The following SLC16A4 variants were observed in gnomAD, a reference collection of about 807,000 sequenced individuals.
SLC16A4 encodes the protein solute carrier family 16 member 4, also known as probable monocarboxylate transporter 5.
In SLC16A4, 39 loss-of-function variants were observed where a neutral mutation model predicts 47.9. That is an observed-to-expected ratio of 0.81 (90% CI 0.63 to 1.06). The LOEUF is 1.06. Among genes scored for constraint, SLC16A4 ranks in the 50% least tolerant of loss-of-function variants. The pLI, the probability that SLC16A4 is intolerant of heterozygous loss-of-function variation, is 0.00. For synonymous variants in SLC16A4, 189 were observed against 199.9 expected, an observed-to-expected ratio of 0.95 and a Z score of 0.46; for missense variants, 524 against 573.8, an observed-to-expected ratio of 0.91 and a Z score of 0.89.
intron 8 of SLC16A4, among the ~76,000 whole-genome samples, chr1:110,373,800 G>A (rs886500627): frequency 6.1e-5 from 9 of 146,996 alleles, no homozygotes; most frequent in South Asian, 4.4e-4. Context: ...TCAGCCTGCC[G>A]TGTAGCTGGG....
chr1:110,375,674 T>G (rs1280090218), intron 7 of SLC16A4, 123 bp from the exon 8 acceptor site: 3 of 568,232 alleles, frequency 5.3e-6, no homozygotes, highest in Non-Finnish European at 9.5e-6. Flanking sequence ...CTGGGGTGAG[T>G]TGGTTGGCTT....
intron 2 of SLC16A4, among the ~76,000 whole-genome samples, chr1:110,388,293 G>C (rs900587789): frequency 6.6e-6 from 1 of 152,186 alleles, no homozygotes; most frequent in East Asian, 1.9e-4. Flanking sequence ...GTGAGGGAAA[G>C]AAGTTAATTT....
At chr1:110,364,525 C>T (rs1385076801) in intron 8 of SLC16A4, among the ~76,000 whole-genome samples, 1 of 111,948 alleles carries the variant, frequency 8.9e-6, no homozygotes, top group Admixed American at 1.1e-4. Context: ...TTTTTTGAGA[C>T]AGAGGCTTGC....
chr1:110,386,242 C>T (rs1473682032), intron 2 of SLC16A4, among the ~76,000 whole-genome samples: 2 of 152,154 alleles, frequency 1.3e-5, no homozygotes, highest in East Asian at 3.8e-4. Flanking sequence ...AAGGGCAGAG[C>T]CTTTGCACCT....
intron 2 of SLC16A4, among the ~76,000 whole-genome samples, 156 bp downstream of exon 2, chr1:110,389,081 T>C (rs1662883736): frequency 6.6e-6 from 1 of 152,236 alleles, no homozygotes; most frequent in African/African-American, 2.4e-5. Flanking sequence ...CCTCTGACTT[T>C]AGCAGTTTTT....
chr1:110,389,366 TCCAA>T lies in SLC16A4; in HGVS notation c.-32-15_-32-12del. ...AAATGCAGAAGATCCCTGTGATAAA[TCCAA>T]GACAGTTGATTCAGTGGACCAGAAA... On this transcript the variant is annotated splice_polypyrimidine_tract_variant and intron_variant, in intron 1 of 8. Coordinates refer to ENST00000369779, the MANE Select transcript of SLC16A4 (RefSeq NM_004696.3). The T allele has an allele frequency of 6.9e-7, 1 of 1,440,884 alleles. No individual in the cohort carries two copies. The highest frequency in any genetic ancestry group is 2.3e-5 in the East Asian group (1 of 44,074). 89.3% of individuals were successfully genotyped at this position (1,440,884 alleles called of 1,614,324 possible).
chr1:110,385,525 T>C (rs1201813858), intron 2 of SLC16A4, among the ~76,000 whole-genome samples: 1 of 152,224 alleles, frequency 6.6e-6, no homozygotes, highest in Non-Finnish European at 1.5e-5. Flanking sequence ...CCTTATCCTA[T>C]GCCTACTCTT....
At position 110,389,412 on chromosome 1, in the gene SLC16A4, A is replaced by G. The variant is rs1662909757; in HGVS notation, c.-32-57T>C. ...GACCAGAAACTAATCTAAACTTTTA[A>G]ACTTTTTATCTGAAAGGGAACGTTC... On this transcript the variant is annotated intron_variant, in intron 1 of 8. Coordinates refer to ENST00000369779, the MANE Select transcript of SLC16A4 (RefSeq NM_004696.3). 9.4e-6 allele frequency: 10 copies of G among 1,068,510 alleles called. No individual in the cohort carries two copies. The South Asian group carries it at 1.3e-4, about 14-fold the overall frequency. The allele number at this position is 1,068,510 out of a possible 1,614,324, so 66.2% of individuals were successfully genotyped here.
At chr1:110,381,562 C>G (rs927313122) in intron 4 of SLC16A4, 90 bp downstream of exon 4, 2 of 1,316,866 alleles carry the variant, frequency 1.5e-6, no homozygotes, top group East Asian at 4.7e-5. Flanking sequence ...CTCAAGCGAT[C>G]CACCCACTTT....
chr1:110,364,014 C>T, intron 8 of SLC16A4, 121 bp from the exon 9 acceptor site: 2 of 972,042 alleles, frequency 2.1e-6, no homozygotes, highest in Non-Finnish European at 1.4e-6. Context: ...CTTAGTGAAG[C>T]TTCTTAGCTG....
intron 8 of SLC16A4, among the ~76,000 whole-genome samples, chr1:110,369,663 A>G (rs1228380021): frequency 6.6e-6 from 1 of 152,206 alleles, no homozygotes; most frequent in African/African-American, 2.4e-5. Flanking sequence ...AAAGTGGTTG[A>G]AAATTCTGCA....
chr1:110,376,742 C>A (rs1557906782), intron 7 of SLC16A4, among the ~76,000 whole-genome samples: 1 of 152,096 alleles, frequency 6.6e-6, no homozygotes, highest in South Asian at 2.1e-4. Context: ...AATTTTATTC[C>A]TGTCCCATGT....
At chr1:110,376,818 C>T (rs1405536236) in intron 7 of SLC16A4, 132 bp downstream of exon 7, 1 of 740,174 alleles carries the variant, frequency 1.4e-6, no homozygotes, top group African/African-American at 1.8e-5. Flanking sequence ...GATATAGCTG[C>T]AGAGTTTCTA....
At chr1:110,388,590 G>A (rs1014958792) in intron 2 of SLC16A4, among the ~76,000 whole-genome samples, 7 of 152,166 alleles carry the variant, frequency 4.6e-5, no homozygotes, top group Admixed American at 6.5e-5. Context: ...TTTTGGGATG[G>A]TTAAAAGTAT....
intron 2 of SLC16A4, among the ~76,000 whole-genome samples, chr1:110,383,649 A>G (rs187384905): frequency 2.0e-5 from 3 of 152,138 alleles, no homozygotes; most frequent in Admixed American, 2.0e-4. Context: ...CCCCCGAGCA[A>G]TTTGGGGAGG....
intron 1 of SLC16A4, 73 bp from the exon 2 acceptor site, chr1:110,389,428 G>A (rs111381257): frequency 1.1e-6 from 1 of 930,956 alleles, no homozygotes; most frequent in Non-Finnish European, 1.7e-6. Context: ...TTATCTGAAA[G>A]GGAACGTTCA....
At position 110,381,029 on chromosome 1, in the gene SLC16A4, A is replaced by C. The variant is rs765936106; in HGVS notation, c.479T>G (p.Leu160Arg). 1 of 1,614,188 alleles carries C rather than the reference A, an allele frequency of 6.2e-7. No individual in the cohort carries two copies. Among genetic ancestry groups the C allele is most frequent in the South Asian group, 1.1e-5 (1 of 91,088 alleles). Residue 160 changes from leucine to arginine, a missense_variant, in exon 5 of 9, where the codon CTT (leucine) becomes CGT (arginine). Transcript: ENST00000369779. ...CAGGAATTTTGTAAAGGGTGCCAAA[A>C]GAAAAGTCAGTCCCATCCCAGAACG... ...IARSGMGLTF[L>R]LAPFTKFLID...
At chr1:110,389,648 C>T (rs1662924481) in intron 1 of SLC16A4, among the ~76,000 whole-genome samples, 2 of 152,178 alleles carry the variant, frequency 1.3e-5, no homozygotes, top group Non-Finnish European at 2.9e-5. Context: ...ATGGAATCAA[C>T]CTACGTGCTC....
At chr1:110,389,152 G>A (rs1662887315) in intron 2 of SLC16A4, 85 bp downstream of exon 2, 1 of 1,124,774 alleles carries the variant, frequency 8.9e-7, no homozygotes, top group Non-Finnish European at 1.4e-6. Flanking sequence ...TTTCCTAAGT[G>A]ATCCTATTCG....
Sources: gnomAD v4.1 joint callset for allele counts (sites outside exome capture counted in the v4.1 genomes callset) on GRCh38, gnomAD v4.1.1 for gene constraint, MANE v1.5 for transcripts, NCBI Gene and HGNC (gene_info 2026-07-23, HGNC 2026-07-21) for gene names.